Variants in GSK3B observed in about 807,000 individuals in gnomAD.
GSK3B encodes the protein glycogen synthase kinase 3 beta.
In GSK3B, 15 loss-of-function variants were observed where a neutral mutation model predicts 56.4. The ratio of observed to expected loss-of-function variants is 0.27; its 90% CI spans 0.18 to 0.41. The LOEUF (loss-of-function observed/expected upper bound fraction) is 0.41. Ranked by LOEUF, GSK3B falls within the 10% of genes least tolerant of loss-of-function variation. GSK3B has a pLI of 1.00. For missense variants in GSK3B, 300 were observed against 513.4 expected, an observed-to-expected ratio of 0.58 and a Z score of 4.02; for synonymous variants, 181 against 188.9, an observed-to-expected ratio of 0.96 and a Z score of 0.34.
intron 1 of GSK3B, among the ~76,000 whole-genome samples, chr3:120,064,175 A>G (rs978900714): frequency 6.6e-6 from 1 of 151,756 alleles, no homozygotes; most frequent in African/African-American, 2.4e-5. Context: ...AATTTCCAGC[A>G]TAAGAGAAAA....
chr3:119,838,237 G>A (rs1267156345), intron 10 of GSK3B, among the ~76,000 whole-genome samples: 2 of 151,892 alleles, frequency 1.3e-5, no homozygotes, highest in African/African-American at 4.8e-5. Flanking sequence ...TACATGAGCT[G>A]AGATCACACA....
At chr3:119,975,822 C>T (rs190256296) in intron 2 of GSK3B, among the ~76,000 whole-genome samples, 1 of 152,148 alleles carries the variant, frequency 6.6e-6, no homozygotes, top group African/African-American at 2.4e-5. Flanking sequence ...CACCAAGGCA[C>T]CAGTAATATT....
intron 7 of GSK3B, among the ~76,000 whole-genome samples, chr3:119,886,085 T>A (rs989288403): frequency 6.6e-6 from 1 of 151,996 alleles, no homozygotes; most frequent in Non-Finnish European, 1.5e-5. Context: ...AAAACAACTA[T>A]CAGCAGAATA....
chr3:119,873,960 G>A lies in GSK3B; in HGVS notation c.909+2453C>T, dbSNP rs557343820. 2.6e-5 allele frequency among the ~76,000 whole-genome samples: 4 copies of A among 152,208 alleles called. No homozygotes were observed. The South Asian group carries it at 8.3e-4, about 32-fold the overall frequency. ...AGTCATTATTCTACACATGGTACAG[G>A]AATGGAAACCTAAATAAATGTGCTT... On this transcript the variant is annotated intron_variant, in intron 8 of 10. Coordinates refer to ENST00000264235, the MANE Select transcript of GSK3B (RefSeq NM_001146156.2).
chr3:120,089,214 T>G (rs756400567), intron 1 of GSK3B, among the ~76,000 whole-genome samples: 1 of 152,228 alleles, frequency 6.6e-6, no homozygotes, highest in African/African-American at 2.4e-5. Context: ...CTGGGTTCCC[T>G]TGAAGTTTTT....
intron 2 of GSK3B, among the ~76,000 whole-genome samples, chr3:119,958,662 G>T (rs1444143413): frequency 4.0e-5 from 6 of 151,848 alleles, no homozygotes; most frequent in Admixed American, 3.3e-4. Context: ...TGGGTAACAG[G>T]GTGAGACCCT....
intron 5 of GSK3B, among the ~76,000 whole-genome samples, chr3:119,913,945 G>C (rs1202874923): frequency 6.6e-6 from 1 of 152,040 alleles, no homozygotes; most frequent in East Asian, 1.9e-4. Flanking sequence ...ATAGGAGACT[G>C]TTATATCTTC....
intron 1 of GSK3B, among the ~76,000 whole-genome samples, chr3:120,009,117 A>C (rs560914699): frequency 4.9e-4 from 75 of 152,346 alleles, no homozygotes; most frequent in African/African-American, 1.6e-3. Flanking sequence ...AGAAATGCAA[A>C]TCAGAACCAC....
intron 3 of GSK3B, among the ~76,000 whole-genome samples, chr3:119,942,786 G>C (rs2057062865): frequency 6.6e-6 from 1 of 152,108 alleles, no homozygotes; most frequent in African/African-American, 2.4e-5. Flanking sequence ...AAAAGAGAAA[G>C]ACTATTCTGT....
chr3:120,050,054 C>T (rs2058135608), intron 1 of GSK3B, among the ~76,000 whole-genome samples: 1 of 152,154 alleles, frequency 6.6e-6, no homozygotes, highest in Non-Finnish European at 1.5e-5. Flanking sequence ...GACTTTCATG[C>T]TACATCACAA....
chr3:119,993,796 C>G (rs2057589080), intron 2 of GSK3B, among the ~76,000 whole-genome samples: 1 of 152,238 alleles, frequency 6.6e-6, no homozygotes, highest in Non-Finnish European at 1.5e-5. Context: ...TGCTTGCACA[C>G]ATGTGCACAC....
At chr3:119,981,240 C>T (rs930561988) in intron 2 of GSK3B, among the ~76,000 whole-genome samples, 3 of 152,128 alleles carry the variant, frequency 2.0e-5, no homozygotes, top group Non-Finnish European at 4.4e-5. Context: ...CCAAGATGGC[C>T]GAATAGGAAC....
At chr3:120,087,796 C>A (rs963897829) in intron 1 of GSK3B, among the ~76,000 whole-genome samples, 11 of 152,120 alleles carry the variant, frequency 7.2e-5, no homozygotes, top group African/African-American at 2.4e-4. Context: ...AAATTGGAAC[C>A]TGCACATTGT....
intron 7 of GSK3B, among the ~76,000 whole-genome samples, chr3:119,891,760 T>C (rs906470277): frequency 1.3e-5 from 2 of 152,100 alleles, no homozygotes; most frequent in Non-Finnish European, 2.9e-5. Context: ...GTGTATTTCA[T>C]ACAAAAGAGG....
chr3:120,007,513 C>T lies in GSK3B; in HGVS notation c.89-5274G>A, dbSNP rs911577751. Among the ~76,000 whole-genome samples the T allele has an allele frequency of 5.3e-5, 8 of 152,138 alleles. 1 individual carries two copies. Among genetic ancestry groups the T allele is most frequent in the Admixed American group, 5.2e-4 (8 of 15,262 alleles). ...CCCTGATGAACACTGATGCGAAAAT[C>T]CTCAATGAAATACTGGCAAATCGAA... On this transcript the variant is annotated intron_variant, in intron 1 of 10. Coordinates refer to ENST00000264235, the MANE Select transcript of GSK3B (RefSeq NM_001146156.2).
rs981303968 is a variant in GSK3B at position 119,824,315 on chromosome 3, A to T, written c.*2473T>A. On this transcript the variant is annotated 3_prime_UTR_variant, in exon 11 of 11. Coordinates refer to ENST00000264235, the MANE Select transcript of GSK3B (RefSeq NM_001146156.2). Reference sequence around the variant, plus strand: ...CCCACCATGATCCTTGAGAAAGAAAAATCACACATCTCAGCACACACACAC... The same window carrying T: ...CCCACCATGATCCTTGAGAAAGAAATATCACACATCTCAGCACACACACAC... 2.8e-5 allele frequency: 6 copies of T among 213,616 alleles called. No individual in the cohort carries two copies. The highest frequency in any genetic ancestry group is 5.4e-5 in the Non-Finnish European group (6 of 110,884). The allele number at this position is 213,616 out of a possible 1,614,324, so 13.2% of individuals were successfully genotyped here. A position where few individuals can be genotyped will look rare whatever the true frequency, so the allele number is the denominator to read the frequency against.
chr3:120,094,301 G>A lies in GSK3B; in HGVS notation c.-867C>T, dbSNP rs1190649348. 2 of 240,514 alleles carry A rather than the reference G, an allele frequency of 8.3e-6. No individual in the cohort carries two copies. Among genetic ancestry groups the A allele is most frequent in the Non-Finnish European group, 1.6e-5 (2 of 121,598 alleles). 14.9% of individuals were successfully genotyped at this position (240,514 alleles called of 1,614,324 possible). A position where few individuals can be genotyped will look rare whatever the true frequency, so the allele number is the denominator to read the frequency against. Reference sequence around the variant, plus strand: ...CTCGGTGCCCGCTCAGGAAGTGTCCGCGCTTTGCCCCAGCCCAGAGCCCTG... The same window carrying A: ...CTCGGTGCCCGCTCAGGAAGTGTCCACGCTTTGCCCCAGCCCAGAGCCCTG... On this transcript the variant is annotated 5_prime_UTR_variant, in exon 1 of 11. Transcript: ENST00000264235.
intron 2 of GSK3B, among the ~76,000 whole-genome samples, chr3:119,966,143 T>C (rs923893491): frequency 6.6e-6 from 1 of 152,204 alleles, no homozygotes; most frequent in African/African-American, 2.4e-5. Flanking sequence ...ATGTAGTCCT[T>C]TGCACACAGT....
intron 1 of GSK3B, among the ~76,000 whole-genome samples, chr3:120,086,190 A>G (rs1004401909): frequency 1.3e-5 from 2 of 151,886 alleles, no homozygotes; most frequent in South Asian, 2.1e-4. Context: ...ATATATACTA[A>G]GGAGGAAAAA....
Sources: gnomAD v4.1 joint callset for allele counts (sites outside exome capture counted in the v4.1 genomes callset) on GRCh38, gnomAD v4.1.1 for gene constraint, MANE v1.5 for transcripts, NCBI Gene and HGNC (gene_info 2026-07-23, HGNC 2026-07-21) for gene names.